Variants in PIK3CD observed in about 807,000 individuals in gnomAD.
PIK3CD encodes phosphatidylinositol-4,5-bisphosphate 3-kinase catalytic subunit delta.
In PIK3CD, 20 loss-of-function variants were observed where a neutral mutation model predicts 122.9. The ratio of observed to expected loss-of-function variants is 0.16; its 90% CI spans 0.11 to 0.24. The LOEUF is 0.24. Among genes scored for constraint, PIK3CD ranks in the 10% least tolerant of loss-of-function variants. The pLI is 1.00. For synonymous variants in PIK3CD, 596 were observed against 593.4 expected (o/e 1.00, Z -0.06); for missense variants, 787 against 1,406.3 (o/e 0.56, Z 7.04).
chr1:9,677,723 G>A (rs1033900152), intron 1 of PIK3CD, among the ~76,000 whole-genome samples: 5 of 151,788 alleles, frequency 3.3e-5, no homozygotes, highest in Non-Finnish European at 4.4e-5. Flanking sequence ...TCGTGCATGC[G>A]GATGTTTTAA....
At chr1:9,631,377 G>A in the PIK3CD span, among the ~76,000 whole-genome samples, 2,432 of 152,310 alleles carry the variant, frequency 0.016, 62 homozygotes, top group African/African-American at 0.055. Context: ...CAGACTGGCC[G>A]GGTGCAGTGG....
chr1:9,723,345 T>A lies in PIK3CD; in HGVS notation c.2594+53T>A. The A allele has an allele frequency of 6.4e-7, 1 of 1,574,458 alleles. No individual in the cohort carries two copies. ...CCTCTCCTTTCCAAGAGGTGTGGAG[T>A]GGGAGGGCCTCGCCTGTCAGAACAA... On this transcript the variant is annotated intron_variant, in intron 20 of 23. Coordinates refer to ENST00000377346, the MANE Select transcript of PIK3CD (RefSeq NM_005026.5). The surrounding 1 kb of genome is among the most constrained non-coding windows in gnomAD (Gnocchi z 4.9).
At chr1:9,726,801 T>C in intron 23 of PIK3CD, 108 bp from the exon 24 acceptor site, 1 of 1,376,970 alleles carries the variant, frequency 7.3e-7, no homozygotes, top group Non-Finnish European at 1.0e-6. Flanking sequence ...TGCTGGGAGC[T>C]CTCTACTAAC....
chr1:9,648,862 G>A (rs1205468064), upstream of PIK3CD, among the ~76,000 whole-genome samples: 2 of 152,234 alleles, frequency 1.3e-5, no homozygotes, highest in Non-Finnish European at 2.9e-5. Flanking sequence ...AGCACTTTGG[G>A]AGGCTGAGGC....
rs1341591291 is a variant in PIK3CD at position 9,727,047 on chromosome 1, T to C, written c.*1T>C. On this transcript the variant is annotated 3_prime_UTR_variant, in exon 24 of 24. Transcript: ENST00000377346. ...CGTGTCCAAAGACAACAGGCAGTAGTGGCTCCTCCCAGCCCTGGGCCCAAG... is the reference window on the plus strand; with the variant it reads ...CGTGTCCAAAGACAACAGGCAGTAGCGGCTCCTCCCAGCCCTGGGCCCAAG... 1 of 1,614,040 alleles carries C rather than the reference T, an allele frequency of 6.2e-7. No individual in the cohort carries two copies. Among genetic ancestry groups the C allele is most frequent in the Admixed American group, 1.7e-5 (1 of 59,994 alleles).
In PIK3CD at chr1:9,723,910, C is replaced by G; in HGVS notation, c.2595-59C>G. 2 of 1,539,190 alleles carry G rather than the reference C, an allele frequency of 1.3e-6. No homozygotes were observed. Among genetic ancestry groups the G allele is most frequent in the Non-Finnish European group, 1.8e-6 (2 of 1,114,200 alleles). The stretch of plus-strand genomic sequence containing the variant: ...AAGGGGAGAGGGAGTAATAACCCAC[C>G]TCTTGATAGGCGGAGCTGCAAAATG... On this transcript the variant is annotated intron_variant, in intron 20 of 23. Coordinates refer to ENST00000377346, the MANE Select transcript of PIK3CD (RefSeq NM_005026.5). The surrounding 1 kb of genome is among the most constrained non-coding windows in gnomAD (Gnocchi z 4.9).
At chr1:9,655,446 G>GCCCC (rs59942799) in intron 1 of PIK3CD, among the ~76,000 whole-genome samples, 2 of 76,946 alleles carry the variant, frequency 2.6e-5, no homozygotes, top group South Asian at 8.2e-4. Flanking sequence ...GGAACCCCCC[G>GCCCC]CCCCCCCCCC....
At position 9,710,636 on chromosome 1, in the gene PIK3CD, GA is replaced by G; in HGVS notation, c.141+41del. 1 of 1,341,538 alleles carries G rather than the reference GA, an allele frequency of 7.5e-7. No individual in the cohort carries two copies. The highest frequency in any genetic ancestry group is 1.0e-6 in the Non-Finnish European group (1 of 971,534). 83.1% of individuals were successfully genotyped at this position (1,341,538 alleles called of 1,614,324 possible). On this transcript the variant is annotated intron_variant, in intron 3 of 23. Transcript: ENST00000377346. The surrounding 1 kb of genome is among the most constrained non-coding windows in gnomAD (Gnocchi z 4.7). ...CGGTCCTCAGACCTTGGTGCTCAGA[GA>G]GAGAGAGAGAGAGAGAGACACAGAT...
At chr1:9,644,996 C>A in the PIK3CD span, among the ~76,000 whole-genome samples, 2 of 146,612 alleles carry the variant, frequency 1.4e-5, no homozygotes, top group Non-Finnish European at 3.0e-5. Context: ...GATCTCCAGG[C>A]CTATTTTTCT....
chr1:9,648,432 T>G (rs1175152306), upstream of PIK3CD, among the ~76,000 whole-genome samples: 1 of 152,164 alleles, frequency 6.6e-6, no homozygotes, highest in African/African-American at 2.4e-5. Context: ...TGAAACAAAC[T>G]CTAAAGACCA....
chr1:9,638,265 C>T, the PIK3CD span, among the ~76,000 whole-genome samples: 1 of 152,014 alleles, frequency 6.6e-6, no homozygotes, highest in Non-Finnish European at 1.5e-5. Flanking sequence ...CAGGCAACCG[C>T]CCAGATAGAT....
rs951879572 is a variant in PIK3CD, at chr1:9,715,063, G to C, written c.142-478G>C. Among the ~76,000 whole-genome samples the C allele has an allele frequency of 2.0e-5, 3 of 152,156 alleles. No individual in the cohort carries two copies. Among genetic ancestry groups the C allele is most frequent in the Non-Finnish European group, 4.4e-5 (3 of 68,028 alleles). ...ATGGTGGTGCATGCCTATAATCCCAGCTACTCGGGAGGCTGAGGCAAGAGA... is the reference window on the plus strand; with the variant it reads ...ATGGTGGTGCATGCCTATAATCCCACCTACTCGGGAGGCTGAGGCAAGAGA... On this transcript the variant is annotated intron_variant, in intron 3 of 23. Coordinates refer to ENST00000377346, the MANE Select transcript of PIK3CD (RefSeq NM_005026.5). This position sits in a 1 kb window ranked among gnomAD's most constrained non-coding sequence, Gnocchi z 4.1.
the PIK3CD span, among the ~76,000 whole-genome samples, chr1:9,635,029 C>T: frequency 1.3e-5 from 2 of 152,132 alleles, no homozygotes; most frequent in African/African-American, 2.4e-5. Context: ...AGGTGGCTCA[C>T]GCCTGTAATC....
chr1:9,664,629 T>G (rs1166809173), intron 1 of PIK3CD, among the ~76,000 whole-genome samples: 1 of 152,346 alleles, frequency 6.6e-6, no homozygotes, highest in African/African-American at 2.4e-5. Flanking sequence ...ATTGTTCACC[T>G]TGGAACTGCT....
At chr1:9,682,285 T>G (rs1389740928) in intron 1 of PIK3CD, among the ~76,000 whole-genome samples, 1 of 152,156 alleles carries the variant, frequency 6.6e-6, no homozygotes, top group Non-Finnish European at 1.5e-5. Context: ...TTCACTCTTG[T>G]TGCCCAGGCT....
Position 9,689,084 on chromosome 1 carries a change from G to C in PIK3CD, c.-137-2383G>C, listed in dbSNP as rs1227098973. Among the ~76,000 whole-genome samples the C allele has an allele frequency of 6.6e-6, 1 of 152,218 alleles. No homozygotes were observed. The highest frequency in any genetic ancestry group is 1.9e-4 in the East Asian group (1 of 5,198). On this transcript the variant is annotated intron_variant, in intron 1 of 23. Transcript: ENST00000377346. The surrounding 1 kb of genome is among the most constrained non-coding windows in gnomAD (Gnocchi z 6.1). ...CAATTACTCGAGTGAGTCTGGCTCC[G>C]GCTCTGTGACCTGGGTCCAGTACCC... is the stretch of plus-strand genomic sequence containing the variant.
At position 9,727,273 on chromosome 1, in the gene PIK3CD, C is replaced by G. The variant is rs1270479565; in HGVS notation, c.*227C>G. The G allele has an allele frequency of 6.9e-6, 4 of 578,996 alleles. No individual in the cohort carries two copies. Among genetic ancestry groups the G allele is most frequent in the Non-Finnish European group, 1.2e-5 (4 of 324,944 alleles). 35.9% of individuals were successfully genotyped at this position (578,996 alleles called of 1,614,324 possible). A position where few individuals can be genotyped will look rare whatever the true frequency, so the allele number is the denominator to read the frequency against. ...CATGCAGCGGCGGTGCTGGGCCCCC[C>G]GAGGCTGCACCTGGCTCTCGGCTGA... On this transcript the variant is annotated 3_prime_UTR_variant, in exon 24 of 24. Coordinates refer to ENST00000377346, the MANE Select transcript of PIK3CD (RefSeq NM_005026.5).
intron 1 of PIK3CD, among the ~76,000 whole-genome samples, chr1:9,688,703 T>C (rs1476677268): frequency 6.6e-6 from 1 of 152,130 alleles, no homozygotes; most frequent in Non-Finnish European, 1.5e-5. Flanking sequence ...TGGTGCGCAC[T>C]TGAGGTCTCA....
At chr1:9,711,731 A>C (rs7516129) in intron 3 of PIK3CD, among the ~76,000 whole-genome samples, 6,948 of 149,618 alleles carry the variant, frequency 0.046, 427 homozygotes, top group African/African-American at 0.14. Context: ...CGTGCCATCA[A>C]GCCCAACTAA....
Sources: allele counts gnomAD v4.1 joint callset (sites outside exome capture counted in the v4.1 genomes callset), GRCh38; gene constraint gnomAD v4.1.1; non-coding constraint Gnocchi (gnomAD v3.1); transcripts MANE v1.5; gene names NCBI Gene and HGNC (gene_info 2026-07-23, HGNC 2026-07-21).